NLGN4X: variants seen among roughly 807,000 people sequenced by gnomAD.
NLGN4X encodes the protein neuroligin-4, X-linked.
A neutral mutation model predicts 40.3 loss-of-function variants in NLGN4X; 3 were observed. The ratio of observed to expected loss-of-function variants is 0.07; its 90% CI spans 0.03 to 0.19. The LOEUF (loss-of-function observed/expected upper bound fraction) is 0.19. NLGN4X is among the 10% of genes least tolerant of loss of function. The pLI, the probability that NLGN4X is intolerant of heterozygous loss-of-function variation, is 1.00. For missense variants in NLGN4X, 382 were observed against 708.3 expected (o/e 0.54, Z 5.23); for synonymous variants, 270 against 306.8 (o/e 0.88, Z 1.25).
chrX:6,149,186 G>A (rs1288362950), intron 2 of NLGN4X, among the ~76,000 whole-genome samples: 5 of 112,046 alleles, frequency 4.5e-5, no homozygotes, highest in Non-Finnish European at 9.4e-5. Flanking sequence ...CACACCGTTT[G>A]TGGTCTCCAT....
In NLGN4X at chrX:6,200,682, C is replaced by CTTTTCTTTTTT. The variant is rs1556005120; in HGVS notation, c.-306+27848_-306+27858dup. 5.5e-3 allele frequency among the ~76,000 whole-genome samples: 392 copies of CTTTTCTTTTTT among 71,606 alleles called. 8 individuals carry two copies. Among genetic ancestry groups the CTTTTCTTTTTT allele is most frequent in the African/African-American group, 0.024 (367 of 15,589 alleles). The allele number at this position is 71,606 out of a possible 115,157, so 62.2% of individuals were successfully genotyped here. The stretch of plus-strand genomic sequence containing the variant: ...TTTATATGCTTAATTTATTCCTTTC[C>CTTTTCTTTTTT]TTTTCTTTTTTTTTTTTTTTTTTTT... On this transcript the variant is annotated intron_variant, in intron 1 of 5. Transcript: ENST00000381095.
chrX:6,121,842 C>T, intron 2 of NLGN4X, among the ~76,000 whole-genome samples: 1 of 112,793 alleles, frequency 8.9e-6, no homozygotes, highest in Non-Finnish European at 1.9e-5. Flanking sequence ...GAGCTTTCCA[C>T]CTAGGTATTG....
intron 2 of NLGN4X, among the ~76,000 whole-genome samples, chrX:6,114,123 T>C (rs1374925818): frequency 1.8e-5 from 2 of 111,666 alleles, no homozygotes; most frequent in African/African-American, 6.5e-5. Context: ...CCCGGCCTAC[T>C]TCTGTTAAAC....
intron 2 of NLGN4X, among the ~76,000 whole-genome samples, chrX:6,053,340 T>C (rs982906776): frequency 1.8e-5 from 2 of 111,490 alleles, no homozygotes; most frequent in Non-Finnish European, 3.8e-5. Context: ...AATCACTCAT[T>C]TAGCAGCTTG....
intron 1 of NLGN4X, among the ~76,000 whole-genome samples, chrX:6,212,869 C>A (rs905538343): frequency 8.9e-6 from 1 of 111,896 alleles, no homozygotes; most frequent in African/African-American, 3.2e-5. Context: ...TAAGTCACAG[C>A]AATGTAGCCC....
intron 1 of NLGN4X, among the ~76,000 whole-genome samples, chrX:6,213,814 C>T (rs1924831218): frequency 8.9e-6 from 1 of 111,810 alleles, no homozygotes; most frequent in South Asian, 3.7e-4. Context: ...TTCTTTTAAT[C>T]CTGCAGAATC....
chrX:5,992,767 G>A (rs2035717217), intron 3 of NLGN4X, among the ~76,000 whole-genome samples: 1 of 110,467 alleles, frequency 9.1e-6, no homozygotes, highest in African/African-American at 3.3e-5. Context: ...TGGTGAGAGA[G>A]GAAGCAAGAG....
chrX:6,072,023 T>C (rs1244575283), intron 2 of NLGN4X, among the ~76,000 whole-genome samples: 1 of 110,673 alleles, frequency 9.0e-6, no homozygotes, highest in Admixed American at 9.6e-5. Context: ...GGGTTCTTTT[T>C]TATTTTCCTT....
chrX:6,204,981 A>G (rs754682353), intron 1 of NLGN4X, among the ~76,000 whole-genome samples: 88 of 111,723 alleles, frequency 7.9e-4, no homozygotes, highest in African/African-American at 2.8e-3. Context: ...AATTCTTACC[A>G]TTACAACACA....
Position 5,892,651 on chromosome X carries a change from C to T in NLGN4X, c.*166G>A, listed in dbSNP as rs956478176. ...GAAAACACCAACGATAAGGGTCTGC[C>T]GGGATGGGATGACTGCCTTTTTGCA... On this transcript the variant is annotated 3_prime_UTR_variant, in exon 6 of 6. Transcript: ENST00000381095. 7.9e-6 allele frequency: 5 copies of T among 633,069 alleles called. No homozygotes were observed. The highest frequency in any genetic ancestry group is 3.6e-5 in the East Asian group (1 of 27,889). 52.2% of individuals were successfully genotyped at this position (633,069 alleles called of 1,213,427 possible).
At position 6,177,083 on chromosome X, in the gene NLGN4X, T is replaced by C. The variant is rs144186820; in HGVS notation, c.-305-25312A>G. 8.6e-3 allele frequency among the ~76,000 whole-genome samples: 968 copies of C among 112,189 alleles called. 8 individuals carry two copies. Among genetic ancestry groups the C allele is most frequent in the African/African-American group, 0.03 (925 of 30,884 alleles). On this transcript the variant is annotated intron_variant, in intron 1 of 5. Coordinates refer to ENST00000381095, the MANE Select transcript of NLGN4X (RefSeq NM_181332.3). ...AGGGAAAATATTAGACTGTGCATAATGACATTTGAGAGCATACAACTCCCC... is the reference window on the plus strand; with the variant it reads ...AGGGAAAATATTAGACTGTGCATAACGACATTTGAGAGCATACAACTCCCC...
At chrX:6,063,012 T>A (rs2037809511) in intron 2 of NLGN4X, among the ~76,000 whole-genome samples, 1 of 111,107 alleles carries the variant, frequency 9.0e-6, no homozygotes, top group Non-Finnish European at 1.9e-5. Context: ...CCTTCTCATA[T>A]ATCATCATGG....
At chrX:6,026,486 G>A (rs772651914) in intron 3 of NLGN4X, among the ~76,000 whole-genome samples, 9 of 111,639 alleles carry the variant, frequency 8.1e-5, no homozygotes, top group African/African-American at 2.0e-4. Flanking sequence ...TTTCAAGACC[G>A]ATAATAGGAG....
chrX:5,978,071 T>G lies in NLGN4X; in HGVS notation c.625+51209A>C, dbSNP rs747363228. Among the ~76,000 whole-genome samples the G allele has an allele frequency of 3.6e-5, 4 of 112,115 alleles. No individual in the cohort carries two copies. In the South Asian group the frequency reaches 1.5e-3, roughly 42 times the overall value. On this transcript the variant is annotated intron_variant, in intron 3 of 5. Coordinates refer to ENST00000381095, the MANE Select transcript of NLGN4X (RefSeq NM_181332.3). ...TTGGACGGAATTGGATGGAATTGGA[T>G]GGGATGTATGCACAGCTCATAAATG... is the stretch of plus-strand genomic sequence containing the variant.
At chrX:6,174,136 G>A (rs949583447) in intron 1 of NLGN4X, among the ~76,000 whole-genome samples, 3 of 111,527 alleles carry the variant, frequency 2.7e-5, no homozygotes, top group Admixed American at 9.5e-5. Flanking sequence ...TCAAAAGAGG[G>A]CATATAAGCA....
intron 1 of NLGN4X, among the ~76,000 whole-genome samples, chrX:6,188,135 A>G (rs1922237103): frequency 8.9e-6 from 1 of 112,238 alleles, no homozygotes; most frequent in Non-Finnish European, 1.9e-5. Context: ...TGGTGTTTCC[A>G]TGTATCCACC....
At chrX:6,202,835 T>C (rs2147860001) in intron 1 of NLGN4X, among the ~76,000 whole-genome samples, 1 of 112,159 alleles carries the variant, frequency 8.9e-6, no homozygotes, top group South Asian at 3.7e-4. Context: ...TTCACCTACC[T>C]CTGAACTCTC....
chrX:6,027,000 C>T lies in NLGN4X; in HGVS notation c.625+2280G>A, dbSNP rs193289575. Among the ~76,000 whole-genome samples, 198 of 111,584 alleles carry T rather than the reference C, an allele frequency of 1.8e-3. 2 individuals carry two copies. Among genetic ancestry groups the T allele is most frequent in the East Asian group, 0.014 (49 of 3,529 alleles). ...AGATCAATTTATTTTGAAACTCTAT[C>T]TTATCAGACACATCAATTCATCACG... On this transcript the variant is annotated intron_variant, in intron 3 of 5. Transcript: ENST00000381095.
chrX:6,220,256 C>G (rs5916347), intron 1 of NLGN4X, among the ~76,000 whole-genome samples: 1 of 109,790 alleles, frequency 9.1e-6, no homozygotes, highest in Non-Finnish European at 1.9e-5. Flanking sequence ...ATGAGATAAC[C>G]TTAAAAATAG....
Sources: gnomAD v4.1 joint callset for allele counts (sites outside exome capture counted in the v4.1 genomes callset) on GRCh38, gnomAD v4.1.1 for gene constraint, MANE v1.5 for transcripts, NCBI Gene and HGNC (gene_info 2026-07-23, HGNC 2026-07-21) for gene names.